Variants in ZNF44 observed in about 807,000 individuals in gnomAD.
The protein encoded by ZNF44 is zinc finger protein 44.
Under a neutral mutation model 11.7 loss-of-function variants are expected in ZNF44, and 9 were observed. The observed-to-expected ratio is 0.77, with a 90% CI of 0.46 to 1.35. The LOEUF (loss-of-function observed/expected upper bound fraction) is 1.35. ZNF44 is among the 40% of genes most tolerant of loss of function. The probability of loss-of-function intolerance (pLI) is 0.00; values close to 1 mark genes in which losing one functional copy is unlikely to be tolerated. For missense variants in ZNF44, 696 were observed against 743.1 expected, an observed-to-expected ratio of 0.94 and a Z score of 0.74; for synonymous variants, 224 against 242.7, an observed-to-expected ratio of 0.92 and a Z score of 0.72.
At chr19:12,259,292 C>G (rs1917399442) in intron 5 of ZNF44, among the ~76,000 whole-genome samples, 1 of 152,152 alleles carries the variant, frequency 6.6e-6, no homozygotes, top group African/African-American at 2.4e-5. Context: ...ATTTTATATT[C>G]ACTAATTCCT....
At chr19:12,263,824 C>T (rs1599514600) in intron 5 of ZNF44, among the ~76,000 whole-genome samples, 2 of 151,210 alleles carry the variant, frequency 1.3e-5, no homozygotes, top group East Asian at 2.0e-4. Context: ...ACTTGGGAGG[C>T]TGAGGAAGGA....
chr19:12,247,973 A>T, exon 8 of ZNF44: 1 of 1,349,134 alleles, frequency 7.4e-7, no homozygotes, highest in Non-Finnish European at 9.9e-7. Context: ...GAGTCTTTTC[A>T]TGTCTTTGAG....
intron 5 of ZNF44, among the ~76,000 whole-genome samples, chr19:12,260,900 C>T (rs190830363): frequency 3.3e-5 from 5 of 152,248 alleles, no homozygotes; most frequent in African/African-American, 1.2e-4. Flanking sequence ...AGAAGATAGA[C>T]CCATGAGTGG....
In ZNF44 at chr19:12,275,984, T is replaced by C; in HGVS notation, c.102A>G (p.Arg34=). 1.2e-6 allele frequency: 2 copies of C among 1,607,976 alleles called. No homozygotes were observed. Among genetic ancestry groups the C allele is most frequent in the African/African-American group, 1.3e-5 (1 of 74,858 alleles). ...TACAGTTCAGGTTCCTAATGGTTTCTCGCATCACATCTCTGTAGAGATTCT... is the reference window on the plus strand; with the variant it reads ...TACAGTTCAGGTTCCTAATGGTTTCCCGCATCACATCTCTGTAGAGATTCT... The part of the protein sequence containing the change: ...SQKNLYRDVM[R]ETIRNLNCIG... Residue 34 remains arginine (R), a synonymous_variant, in exon 2 of 4, where the codon CGA becomes CGG. Transcript: ENST00000355684.
rs765595618 is a variant in ZNF44, at chr19:12,273,884, A to G, written c.371T>C (p.Val124Ala). 2 of 1,614,014 alleles carry G rather than the reference A, an allele frequency of 1.2e-6. No homozygotes were observed. The highest frequency in any genetic ancestry group is 1.7e-6 in the Non-Finnish European group (2 of 1,180,002). ...GHSSLNCYIR[V>A]DTGHKHRECH... ...CTCCCGGTGTTTGTGTCCAGTATCA[A>G]CTCTGATGTAGCAATTCAGGGATGA... Residue 124 changes from valine (V) to alanine (A), a missense_variant, in exon 4 of 4, where the codon GTT (valine) becomes GCT (alanine). Transcript: ENST00000355684.
intron 5 of ZNF44, among the ~76,000 whole-genome samples, chr19:12,259,804 T>C (rs1917422676): frequency 6.6e-6 from 1 of 152,208 alleles, no homozygotes; most frequent in South Asian, 2.1e-4. Context: ...TATCCCCCAC[T>C]AAACCCAAAG....
chr19:12,263,798 G>T (rs999841815), intron 5 of ZNF44, among the ~76,000 whole-genome samples: 13 of 151,906 alleles, frequency 8.6e-5, no homozygotes, highest in Non-Finnish European at 1.3e-4. Context: ...GGTGGCAGGC[G>T]CCTGTAGTCC....
exon 2 of ZNF44, chr19:12,234,873 A>G (rs1399518120): frequency 6.6e-6 from 1 of 152,352 alleles, no homozygotes; most frequent in Non-Finnish European, 1.5e-5. Context: ...GAGAGTTCAC[A>G]CTGAAGCGGT....
rs1968184449 is a variant in ZNF44 at position 12,294,859 on chromosome 19, C to G, written c.-165G>C. On this transcript the variant is annotated 5_prime_UTR_variant, in exon 1 of 4. Coordinates refer to ENST00000355684, the MANE Select transcript of ZNF44 (RefSeq NM_016264.4). Reference sequence around the variant, plus strand: ...ACTAGCTCCTGGAACGTCACACCCTCCTCTCTGCCTCGCGCCTGATTGACA... The same window carrying G: ...ACTAGCTCCTGGAACGTCACACCCTGCTCTCTGCCTCGCGCCTGATTGACA... The G allele has an allele frequency of 2.7e-6, 2 of 729,168 alleles. No individual in the cohort carries two copies. The highest frequency in any genetic ancestry group is 3.8e-5 in the African/African-American group (2 of 52,614). 45.2% of individuals were successfully genotyped at this position (729,168 alleles called of 1,614,324 possible).
intron 1 of ZNF44, among the ~76,000 whole-genome samples, chr19:12,236,046 TCGCTCTGTG>T (rs1489846101): frequency 6.6e-6 from 1 of 152,172 alleles, no homozygotes; most frequent in Non-Finnish European, 1.5e-5. Context: ...AAAAGAGCTA[TCGCTCTGTG>T]AAAAAAATGA....
chr19:12,251,257 G>A (rs1599499555), intron 5 of ZNF44, among the ~76,000 whole-genome samples: 1 of 151,800 alleles, frequency 6.6e-6, no homozygotes. Flanking sequence ...CTTGAATCTG[G>A]GAGGTGGAGG....
chr19:12,244,078 G>A (rs1415929257), downstream of ZNF44, among the ~76,000 whole-genome samples: 2 of 152,062 alleles, frequency 1.3e-5, no homozygotes, highest in Non-Finnish European at 2.9e-5. Flanking sequence ...GTCTCATTAT[G>A]TTACCCAGGT....
downstream of ZNF44, among the ~76,000 whole-genome samples, chr19:12,270,991 A>G (rs930470576): frequency 1.3e-5 from 2 of 152,248 alleles, no homozygotes; most frequent in Non-Finnish European, 2.9e-5. Flanking sequence ...TGTTGCAAAG[A>G]AAGTTGGTGG....
At chr19:12,255,871 T>C (rs934066142) in intron 5 of ZNF44, among the ~76,000 whole-genome samples, 1 of 151,864 alleles carries the variant, frequency 6.6e-6, no homozygotes, top group South Asian at 2.1e-4. Context: ...ACCCCGTCTC[T>C]ACTAAAAATA....
rs1398564026 is a variant in ZNF44 at position 12,294,696 on chromosome 19, TC to T, written c.-3del. 6.4e-7 allele frequency: 1 copy of T among 1,561,358 alleles called. No individual in the cohort carries two copies. The highest frequency in any genetic ancestry group is 8.7e-7 in the Non-Finnish European group (1 of 1,153,752). ...CGCCGGGCCCCGCACACTCACCATT[TC>T]CCGGCTGTGCGGTGTCCCGGGTCCT... is the stretch of plus-strand genomic sequence containing the variant. On this transcript the variant is annotated 5_prime_UTR_variant, in exon 1 of 4. Transcript: ENST00000355684.
downstream of ZNF44, chr19:12,247,632 C>T (rs748006006): frequency 1.9e-5 from 25 of 1,339,430 alleles, no homozygotes; most frequent in Non-Finnish European, 2.3e-5. Context: ...AGTGTGCATC[C>T]TTTCATGTCT....
At chr19:12,236,633 A>G (rs1442790063) in intron 1 of ZNF44, among the ~76,000 whole-genome samples, 1 of 152,230 alleles carries the variant, frequency 6.6e-6, no homozygotes, top group African/African-American at 2.4e-5. Context: ...AACCTTGCCT[A>G]TCAGATGAAG....
At chr19:12,236,276 T>TA in intron 1 of ZNF44, among the ~76,000 whole-genome samples, 1 of 152,222 alleles carries the variant, frequency 6.6e-6, no homozygotes, top group East Asian at 1.9e-4. Flanking sequence ...GGCAAACAAA[T>TA]ACACGAGAAA....
downstream of ZNF44, chr19:12,225,226 A>C (rs1232120919): frequency 6.6e-6 from 1 of 152,252 alleles, no homozygotes; most frequent in African/African-American, 2.4e-5. Flanking sequence ...GTCTGTAGAT[A>C]TTTTTGGGTA....
Sources: allele counts gnomAD v4.1 joint callset (sites outside exome capture counted in the v4.1 genomes callset), GRCh38; gene constraint gnomAD v4.1.1; transcripts MANE v1.5; gene names NCBI Gene and HGNC (gene_info 2026-07-23, HGNC 2026-07-21).